Variants in FGD4 observed in about 807,000 individuals in gnomAD.
The protein encoded by FGD4 is FYVE, RhoGEF and PH domain containing 4.
FGD4 carries 42 observed loss-of-function variants against 102.0 expected under a neutral mutation model. The ratio of observed to expected loss-of-function variants is 0.41; its 90% CI spans 0.32 to 0.53. The LOEUF is 0.53. FGD4 is among the 20% of genes least tolerant of loss of function. FGD4 has a pLI of 0.21. For synonymous variants in FGD4, 380 were observed against 375.7 expected (o/e 1.01, Z -0.13); for missense variants, 902 against 1,078.2 (o/e 0.84, Z 2.29).
In FGD4 at chr12:32,463,215, A is replaced by C. The variant is rs1468955508; in HGVS notation, c.166+63256A>C. Among the ~76,000 whole-genome samples, 4 of 152,358 alleles carry C rather than the reference A, an allele frequency of 2.6e-5. No homozygotes were observed. In the East Asian group the frequency reaches 7.7e-4, roughly 29 times the overall value. On this transcript the variant is annotated intron_variant, in intron 1 of 16. Coordinates refer to ENST00000534526, the MANE Select transcript of FGD4 (RefSeq NM_001370298.3). ...AATTTTCTTCTTTATTCAAAACAAT[A>C]ACCATTACCGAAAAACAAGCAAACA...
At chr12:32,560,388 A>G (rs1271720767) in intron 1 of FGD4, among the ~76,000 whole-genome samples, 2 of 152,086 alleles carry the variant, frequency 1.3e-5, no homozygotes. Flanking sequence ...AGTAGCTGGG[A>G]CTACAGATGT....
At chr12:32,592,456 A>G (rs535037250) in intron 4 of FGD4, among the ~76,000 whole-genome samples, 20 of 152,240 alleles carry the variant, frequency 1.3e-4, no homozygotes, top group African/African-American at 4.6e-4. Flanking sequence ...TATTAAATTA[A>G]TAGTGCATGA....
At chr12:32,430,920 G>A (rs1029101691) in intron 1 of FGD4, among the ~76,000 whole-genome samples, 2 of 152,222 alleles carry the variant, frequency 1.3e-5, no homozygotes, top group Non-Finnish European at 2.9e-5. Flanking sequence ...GGAAGGAGGA[G>A]AAGGGTTCTG....
In FGD4 at chr12:32,582,771, T is replaced by A. The variant is rs150065565; in HGVS notation, c.1011+304T>A. On this transcript the variant is annotated intron_variant, in intron 4 of 16. Transcript: ENST00000534526. ...TTTTTACATAGAAAGAAAATGTTCC[T>A]TGTTGCTCTAGATGTTGGTGCTGTA... is the stretch of plus-strand genomic sequence containing the variant. The A allele has an allele frequency of 1.8e-5, 7 of 383,242 alleles. No homozygotes were observed. In the South Asian group the frequency reaches 2.0e-4, roughly 11 times the overall value. 23.7% of individuals were successfully genotyped at this position (383,242 alleles called of 1,614,324 possible).
At chr12:32,535,922 T>G (rs1380738824) in intron 1 of FGD4, among the ~76,000 whole-genome samples, 1 of 152,064 alleles carries the variant, frequency 6.6e-6, no homozygotes, top group Non-Finnish European at 1.5e-5. Context: ...CTTTAGAGAG[T>G]GGCCACTACA....
At chr12:32,428,559 G>A (rs1258476151) in intron 1 of FGD4, among the ~76,000 whole-genome samples, 4 of 152,014 alleles carry the variant, frequency 2.6e-5, no homozygotes, top group East Asian at 1.9e-4. Context: ...CGCTCTTCTC[G>A]AGGAGTATCT....
intron 1 of FGD4, among the ~76,000 whole-genome samples, chr12:32,560,539 A>G (rs1944454075): frequency 6.6e-6 from 1 of 152,190 alleles, no homozygotes; most frequent in Non-Finnish European, 1.5e-5. Context: ...TACGTGAGCC[A>G]CTGCACCCAG....
At position 32,502,225 on chromosome 12, in the gene FGD4, A is replaced by ATTATG. The variant is rs1565780991; in HGVS notation, c.167-61911_167-61910insTATGT. 1.5e-5 allele frequency: 15 copies of ATTATG among 985,390 alleles called. No homozygotes were observed. The African/African-American group carries it at 2.6e-4, about 17-fold the overall frequency. The allele number at this position is 985,390 out of a possible 1,614,324, so 61.0% of individuals were successfully genotyped here. On this transcript the variant is annotated intron_variant, in intron 1 of 16. Coordinates refer to ENST00000534526, the MANE Select transcript of FGD4 (RefSeq NM_001370298.3). ...CCTGTGCTGGGTGAGATTATCTGCA[A>ATTATG]TGGACCGGGTTAATGGGAGGCTTGC...
intron 10 of FGD4, among the ~76,000 whole-genome samples, chr12:32,618,612 A>G (rs1397469048): frequency 1.3e-5 from 2 of 152,170 alleles, no homozygotes; most frequent in Non-Finnish European, 2.9e-5. Flanking sequence ...TGAGAGTATT[A>G]TTTGAGACCA....
intron 4 of FGD4, among the ~76,000 whole-genome samples, chr12:32,592,820 T>A (rs1031984725): frequency 7.2e-5 from 11 of 152,194 alleles, no homozygotes; most frequent in Admixed American, 2.6e-4. Flanking sequence ...TAATAATTAC[T>A]AAAATGCTGA....
At position 32,438,670 on chromosome 12, in the gene FGD4, C is replaced by A. The variant is rs781007724; in HGVS notation, c.166+38711C>A. On this transcript the variant is annotated intron_variant, in intron 1 of 16. Coordinates refer to ENST00000534526, the MANE Select transcript of FGD4 (RefSeq NM_001370298.3). Reference sequence around the variant, plus strand: ...TGTCACCCAGGCTGGAGTGCAGTGGCGCGATCTCAACTGCAACCTCCACCT... The same window carrying A: ...TGTCACCCAGGCTGGAGTGCAGTGGAGCGATCTCAACTGCAACCTCCACCT... Among the ~76,000 whole-genome samples, 5 of 150,540 alleles carry A rather than the reference C, an allele frequency of 3.3e-5. No individual in the cohort carries two copies. The East Asian group carries it at 9.8e-4, about 30-fold the overall frequency.
intron 1 of FGD4, among the ~76,000 whole-genome samples, chr12:32,423,241 C>G (rs960414063): frequency 4.6e-5 from 7 of 152,096 alleles, no homozygotes; most frequent in African/African-American, 1.7e-4. Flanking sequence ...TCTCGGCTTC[C>G]TCCAGGAAAG....
rs1407917249 is a variant in FGD4, at chr12:32,506,877, A to G, written c.167-57260A>G. Among the ~76,000 whole-genome samples the G allele has an allele frequency of 1.3e-5, 2 of 152,170 alleles. No homozygotes were observed. Among genetic ancestry groups the G allele is most frequent in the Admixed American group, 1.3e-4 (2 of 15,280 alleles). ...TTCAAATAGTGGCAGGTATGTGATG[A>G]CAAAATGGGCTATGTTAAAGAGGGA... On this transcript the variant is annotated intron_variant, in intron 1 of 16. Transcript: ENST00000534526. This position sits in a 1 kb window ranked among gnomAD's most constrained non-coding sequence, Gnocchi z 4.5.
chr12:32,464,191 C>T (rs61927217), intron 1 of FGD4, among the ~76,000 whole-genome samples: 1 of 152,140 alleles, frequency 6.6e-6, no homozygotes, highest in Non-Finnish European at 1.5e-5. Context: ...CTCACTCTGT[C>T]GCCAAGGCTA....
In FGD4 at chr12:32,601,535, A is replaced by G. The variant is rs1565892897; in HGVS notation, c.1247+112A>G. 3.2e-5 allele frequency: 41 copies of G among 1,285,820 alleles called. 1 individual carries two copies. In the South Asian group the frequency reaches 5.5e-4, roughly 17 times the overall value. The allele number at this position is 1,285,820 out of a possible 1,614,324, so 79.7% of individuals were successfully genotyped here. A position where few individuals can be genotyped will look rare whatever the true frequency, so the allele number is the denominator to read the frequency against. On this transcript the variant is annotated intron_variant, in intron 6 of 16. Coordinates refer to ENST00000534526, the MANE Select transcript of FGD4 (RefSeq NM_001370298.3). ...AACTGTAACTAGACATTTATGCTAA[A>G]TTTTTACATTAAAGACTACTGATAG... is the stretch of plus-strand genomic sequence containing the variant.
rs747853993 is a variant in FGD4, at chr12:32,581,882, A to C, written c.504-78A>C. On this transcript the variant is annotated intron_variant, in intron 3 of 16. Transcript: ENST00000534526. ...AAAAAAGTAGCGAATATCCCTTTTC[A>C]ACTGGAATAAACTTGTCTTAATTCT... is the stretch of plus-strand genomic sequence containing the variant. 5.9e-6 allele frequency: 9 copies of C among 1,523,788 alleles called. No homozygotes were observed. In the African/African-American group the frequency reaches 1.1e-4, roughly 19 times the overall value. The allele number at this position is 1,523,788 out of a possible 1,614,324, so 94.4% of individuals were successfully genotyped here. A position where few individuals can be genotyped will look rare whatever the true frequency, so the allele number is the denominator to read the frequency against.
At chr12:32,518,863 C>T (rs959248432) in intron 1 of FGD4, among the ~76,000 whole-genome samples, 1 of 151,516 alleles carries the variant, frequency 6.6e-6, no homozygotes, top group African/African-American at 2.4e-5. Context: ...GCCTGTAATC[C>T]CAGCACATTG....
chr12:32,580,189 G>T (rs1946491495), intron 3 of FGD4, among the ~76,000 whole-genome samples: 1 of 152,076 alleles, frequency 6.6e-6, no homozygotes, highest in Admixed American at 6.6e-5. Context: ...TGGCTTTTCT[G>T]CTTGTTACAT....
At chr12:32,423,837 T>C (rs1941738838) in intron 1 of FGD4, among the ~76,000 whole-genome samples, 2 of 151,220 alleles carry the variant, frequency 1.3e-5, no homozygotes, top group Non-Finnish European at 1.5e-5. Flanking sequence ...TCTGTAAATT[T>C]ACTGTCATGG....
Sources: gnomAD v4.1 joint callset for allele counts (sites outside exome capture counted in the v4.1 genomes callset) on GRCh38, gnomAD v4.1.1 for gene constraint, Gnocchi (gnomAD v3.1) non-coding constraint, MANE v1.5 for transcripts, NCBI Gene and HGNC (gene_info 2026-07-23, HGNC 2026-07-21) for gene names.